The following CTNND2 variants were observed in gnomAD, a reference collection of about 807,000 sequenced individuals.
The protein encoded by CTNND2 is catenin delta-2.
In CTNND2, 22 loss-of-function variants were observed where a neutral mutation model predicts 144.4. That is an observed-to-expected ratio of 0.15 (90% CI 0.11 to 0.22). The LOEUF (loss-of-function observed/expected upper bound fraction) is 0.22. CTNND2 is among the 10% of genes least tolerant of loss of function. The pLI, the probability that CTNND2 is intolerant of heterozygous loss-of-function variation, is 1.00. For synonymous variants in CTNND2, 751 were observed against 695.6 expected (o/e 1.08, Z -1.25); for missense variants, 1,353 against 1,618.8 (o/e 0.84, Z 2.82).
At chr5:11,767,398 C>G (rs1342888672) in intron 1 of CTNND2, among the ~76,000 whole-genome samples, 1 of 152,176 alleles carries the variant, frequency 6.6e-6, no homozygotes, top group Non-Finnish European at 1.5e-5. Flanking sequence ...TATACACCCA[C>G]TGCATCTCTC....
At chr5:11,266,400 A>C (rs1745444249) in intron 9 of CTNND2, among the ~76,000 whole-genome samples, 1 of 152,264 alleles carries the variant, frequency 6.6e-6, no homozygotes. Flanking sequence ...AACAAGACAT[A>C]AAGCTGCAGA....
chr5:10,983,821 C>T (rs1056153288), intron 20 of CTNND2, among the ~76,000 whole-genome samples: 29 of 152,258 alleles, frequency 1.9e-4, no homozygotes, highest in Non-Finnish European at 3.7e-4. Flanking sequence ...CACCCTGAGA[C>T]GGCTCTCCAC....
intron 2 of CTNND2, among the ~76,000 whole-genome samples, chr5:11,624,760 C>T (rs1781063243): frequency 1.3e-5 from 2 of 152,046 alleles, no homozygotes; most frequent in African/African-American, 4.8e-5. Flanking sequence ...TTGGAACCCA[C>T]ACAGGGATAG....
intron 1 of CTNND2, among the ~76,000 whole-genome samples, chr5:11,818,303 C>T (rs1474807146): frequency 6.6e-6 from 1 of 151,992 alleles, no homozygotes; most frequent in African/African-American, 2.4e-5. Flanking sequence ...CGTGTTGCAG[C>T]GTTTACATCA....
At chr5:11,747,418 A>C (rs1395060616) in intron 1 of CTNND2, among the ~76,000 whole-genome samples, 1 of 152,202 alleles carries the variant, frequency 6.6e-6, no homozygotes, top group Non-Finnish European at 1.5e-5. Context: ...ACTTCAAAGA[A>C]GCATGCTTAC....
intron 3 of CTNND2, among the ~76,000 whole-genome samples, chr5:11,526,175 T>C (rs1773230266): frequency 6.6e-6 from 1 of 152,208 alleles, no homozygotes; most frequent in Non-Finnish European, 1.5e-5. Flanking sequence ...GTGCTGGGAT[T>C]ACAGACATGA....
intron 10 of CTNND2, among the ~76,000 whole-genome samples, chr5:11,229,250 G>A (rs245136): frequency 0.91 from 139,134 of 152,324 alleles, 63,737 homozygotes; most frequent in East Asian, 0.99. Context: ...CATGTTAATA[G>A]GGATGGTCTA....
Position 11,662,261 on chromosome 5 carries a change from ATG to A in CTNND2, c.174+69873_174+69874del, listed in dbSNP as rs532140229. ...TATATATACATATATGTGTGTATATATGTGTGTGTGTGTATATATATATATAT... is the reference window on the plus strand; with the variant it reads ...TATATATACATATATGTGTGTATATATGTGTGTGTGTATATATATATATAT... On this transcript the variant is annotated intron_variant, in intron 2 of 21. Transcript: ENST00000304623. Among the ~76,000 whole-genome samples, 566 of 126,896 alleles carry A rather than the reference ATG, an allele frequency of 4.5e-3. 2 individuals carry two copies. Among genetic ancestry groups the A allele is most frequent in the African/African-American group, 0.019 (541 of 29,158 alleles). The allele number at this position is 126,896 out of a possible 152,430, so 83.2% of individuals were successfully genotyped here.
intron 10 of CTNND2, among the ~76,000 whole-genome samples, 155 bp from the exon 11 acceptor site, chr5:11,199,816 T>C (rs1477002620): frequency 2.6e-5 from 4 of 152,254 alleles, no homozygotes; most frequent in African/African-American, 7.2e-5. Context: ...AAGTGTTTGC[T>C]TTATATTTGA....
chr5:11,004,841 T>C (rs1037692179), intron 18 of CTNND2, among the ~76,000 whole-genome samples: 3 of 150,936 alleles, frequency 2.0e-5, no homozygotes, highest in Non-Finnish European at 4.4e-5. Flanking sequence ...GAACATGCCC[T>C]CTGCTAGGCT....
intron 5 of CTNND2, 23 bp from the exon 6 acceptor site, chr5:11,397,226 C>T: frequency 6.3e-7 from 1 of 1,597,958 alleles, no homozygotes; most frequent in South Asian, 1.1e-5. Context: ...TCATTTAGAG[C>T]AGTCAGTGAC....
At chr5:11,745,741 A>C (rs1788273388) in intron 1 of CTNND2, among the ~76,000 whole-genome samples, 3 of 152,166 alleles carry the variant, frequency 2.0e-5, no homozygotes, top group Admixed American at 2.0e-4. Flanking sequence ...TGCATTATTC[A>C]TTAAAAGAGT....
At chr5:11,226,885 C>G (rs1740418067) in intron 10 of CTNND2, among the ~76,000 whole-genome samples, 1 of 152,184 alleles carries the variant, frequency 6.6e-6, no homozygotes, top group African/African-American at 2.4e-5. Context: ...TATAGCTGCT[C>G]AGTGATTATC....
At chr5:11,360,266 C>G (rs1362844806) in intron 8 of CTNND2, among the ~76,000 whole-genome samples, 1 of 152,082 alleles carries the variant, frequency 6.6e-6, no homozygotes, top group African/African-American at 2.4e-5. Flanking sequence ...ATTGAGAAAT[C>G]CTCTTTGGTG....
intron 12 of CTNND2, among the ~76,000 whole-genome samples, chr5:11,155,321 T>C (rs980171357): frequency 4.6e-5 from 7 of 152,226 alleles, no homozygotes; most frequent in African/African-American, 1.7e-4. Context: ...TGAAATTCAT[T>C]TCCCTGGAGG....
intron 2 of CTNND2, among the ~76,000 whole-genome samples, chr5:11,595,037 G>A (rs190573414): frequency 6.6e-6 from 1 of 152,256 alleles, no homozygotes; most frequent in African/African-American, 2.4e-5. Context: ...AAATTACTGC[G>A]TCTGCCTTCC....
intron 9 of CTNND2, among the ~76,000 whole-genome samples, chr5:11,322,302 C>T (rs573386969): frequency 2.0e-5 from 3 of 152,202 alleles, no homozygotes; most frequent in East Asian, 3.9e-4. Flanking sequence ...GTCATTTTCC[C>T]GCAGAGGTCC....
chr5:11,669,296 T>C (rs1783747594), intron 2 of CTNND2, among the ~76,000 whole-genome samples: 1 of 152,174 alleles, frequency 6.6e-6, no homozygotes. Context: ...TAGGGAGGAT[T>C]CCCTCTTTTT....
intron 16 of CTNND2, among the ~76,000 whole-genome samples, chr5:11,070,536 GT>G (rs1419116359): frequency 1.3e-5 from 2 of 152,162 alleles, no homozygotes; most frequent in African/African-American, 2.4e-5. Context: ...GGACAGGAAA[GT>G]GAGATGGGGT....
Sources: gnomAD v4.1 joint callset for allele counts (sites outside exome capture counted in the v4.1 genomes callset) on GRCh38, gnomAD v4.1.1 for gene constraint, MANE v1.5 for transcripts, NCBI Gene and HGNC (gene_info 2026-07-23, HGNC 2026-07-21) for gene names.